SRBD1: variants seen among roughly 807,000 people sequenced by gnomAD.
SRBD1 encodes S1 RNA-binding domain-containing protein 1.
In SRBD1, 88 loss-of-function variants were observed where a neutral mutation model predicts 115.3. The ratio of observed to expected loss-of-function variants is 0.76; its 90% CI spans 0.64 to 0.91. The LOEUF is 0.91. Ranked by LOEUF, SRBD1 falls within the 40% of genes least tolerant of loss-of-function variation. The pLI, the probability that SRBD1 is intolerant of heterozygous loss-of-function variation, is 0.00. For synonymous variants in SRBD1, 509 were observed against 407.7 expected (o/e 1.25, Z -2.99); for missense variants, 1,385 against 1,177.4 (o/e 1.18, Z -2.58).
At chr2:45,425,890 G>C (rs1481950676) in intron 16 of SRBD1, among the ~76,000 whole-genome samples, 1 of 152,106 alleles carries the variant, frequency 6.6e-6, no homozygotes, top group Admixed American at 6.5e-5. Flanking sequence ...ACACCATCAG[G>C]GCCCTGGGTT....
chr2:45,586,590 G>C (rs1440702232), intron 4 of SRBD1, among the ~76,000 whole-genome samples: 16 of 151,222 alleles, frequency 1.1e-4, no homozygotes, highest in Admixed American at 9.9e-4. Flanking sequence ...CTTTCACCCA[G>C]GCTGGAGTGC....
intron 14 of SRBD1, among the ~76,000 whole-genome samples, chr2:45,539,804 A>G (rs1436916653): frequency 6.6e-6 from 1 of 152,206 alleles, no homozygotes; most frequent in Non-Finnish European, 1.5e-5. Context: ...CACCAAAATA[A>G]AAAGCTTACC....
chr2:45,546,622 G>C, intron 14 of SRBD1, 110 bp downstream of exon 14: 1 of 1,068,848 alleles, frequency 9.4e-7, no homozygotes, highest in Non-Finnish European at 1.4e-6. Flanking sequence ...GAGGTGGTCT[G>C]GAGGGCAAAG....
At chr2:45,414,402 T>A (rs1667699339) in intron 18 of SRBD1, among the ~76,000 whole-genome samples, 1 of 150,014 alleles carries the variant, frequency 6.7e-6, no homozygotes. Flanking sequence ...TAAATATATA[T>A]ACATTATGTG....
intron 16 of SRBD1, among the ~76,000 whole-genome samples, chr2:45,475,825 C>T (rs1309904882): frequency 2.0e-5 from 3 of 152,126 alleles, no homozygotes; most frequent in Admixed American, 6.6e-5. Context: ...CAGCCTTCCA[C>T]GTAGTTGGGA....
At chr2:45,530,603 C>A (rs1671581325) in intron 14 of SRBD1, among the ~76,000 whole-genome samples, 1 of 151,970 alleles carries the variant, frequency 6.6e-6, no homozygotes, top group African/African-American at 2.4e-5. Flanking sequence ...GACACACATC[C>A]TATATATGAA....
At chr2:45,451,751 G>A (rs928037878) in intron 16 of SRBD1, among the ~76,000 whole-genome samples, 7 of 150,304 alleles carry the variant, frequency 4.7e-5, no homozygotes, top group African/African-American at 1.2e-4. Context: ...TGGCAGCAAC[G>A]AAGAGACTTT....
At chr2:45,463,033 A>T (rs1012882524) in intron 16 of SRBD1, among the ~76,000 whole-genome samples, 1 of 83,510 alleles carries the variant, frequency 1.2e-5, no homozygotes, top group African/African-American at 7.7e-5. Context: ...GGGGGGGGGA[A>T]ATCTCTCTTG....
At chr2:45,441,065 A>G (rs1366622392) in intron 16 of SRBD1, among the ~76,000 whole-genome samples, 2 of 152,238 alleles carry the variant, frequency 1.3e-5, no homozygotes, top group Non-Finnish European at 2.9e-5. Flanking sequence ...ATGTGGCCAC[A>G]CATGTAGTCA....
chr2:45,568,609 C>G (rs891092205), intron 9 of SRBD1, among the ~76,000 whole-genome samples: 2 of 152,158 alleles, frequency 1.3e-5, no homozygotes, highest in African/African-American at 4.8e-5. Flanking sequence ...CAATCATAAT[C>G]TTAAATTCAG....
rs1572687948 is a variant in SRBD1 at position 45,481,514 on chromosome 2, G to C, written c.1967-4439C>G. Among the ~76,000 whole-genome samples, 3 of 152,236 alleles carry C rather than the reference G, an allele frequency of 2.0e-5. No homozygotes were observed. In the South Asian group the frequency reaches 6.2e-4, roughly 32 times the overall value. On this transcript the variant is annotated intron_variant, in intron 15 of 20. Transcript: ENST00000263736. The stretch of plus-strand genomic sequence containing the variant: ...AGAAGAAAAGGAGGAAGTAATGAAA[G>C]AGGCAGAGAATAAATGACGAGGACA...
intron 16 of SRBD1, among the ~76,000 whole-genome samples, chr2:45,474,049 T>C (rs1669731004): frequency 6.6e-6 from 1 of 152,234 alleles, no homozygotes; most frequent in South Asian, 2.1e-4. Context: ...GTCCACTCTA[T>C]TTAGTCCAAT....
In SRBD1 at chr2:45,585,511, A is replaced by G. The variant is rs370741163; in HGVS notation, c.815+97T>C. The G allele has an allele frequency of 4.2e-4, 563 of 1,333,692 alleles. 10 individuals carry two copies. In the South Asian group the frequency reaches 6.9e-3, roughly 16 times the overall value. The allele number at this position is 1,333,692 out of a possible 1,614,324, so 82.6% of individuals were successfully genotyped here. ...GATTACAATAATTCAAGGAAACAAA[A>G]TGTTGAAATTGTCAAATATACCGTC... On this transcript the variant is annotated intron_variant, in intron 5 of 20. Transcript: ENST00000263736.
At chr2:45,422,070 G>C (rs1243922288) in intron 16 of SRBD1, among the ~76,000 whole-genome samples, 1 of 152,078 alleles carries the variant, frequency 6.6e-6, no homozygotes, top group African/African-American at 2.4e-5. Context: ...GCAATGTAAA[G>C]GCAAGCACAA....
intron 14 of SRBD1, among the ~76,000 whole-genome samples, chr2:45,540,263 C>T (rs1019535251): frequency 6.6e-6 from 1 of 151,694 alleles, no homozygotes; most frequent in Non-Finnish European, 1.5e-5. Context: ...ATCACTTGAA[C>T]CCAGGAGGCA....
At chr2:45,497,511 T>G (rs1165568127) in intron 14 of SRBD1, among the ~76,000 whole-genome samples, 3 of 152,118 alleles carry the variant, frequency 2.0e-5, no homozygotes, top group African/African-American at 7.2e-5. Context: ...TAAAACAGAT[T>G]GCTGAGCCAC....
At position 45,581,678 on chromosome 2, in the gene SRBD1, A is replaced by T. The variant is rs1192749078; in HGVS notation, c.933+15T>A. The T allele has an allele frequency of 6.3e-7, 1 of 1,597,678 alleles. No individual in the cohort carries two copies. Among genetic ancestry groups the T allele is most frequent in the East Asian group, 2.2e-5 (1 of 44,680 alleles). On this transcript the variant is annotated intron_variant, in intron 6 of 20. Transcript: ENST00000263736. The stretch of plus-strand genomic sequence containing the variant: ...TATTCAGGTATTACATTAAAAGATA[A>T]AAAGGATTCCTTACCACGTGTTCTA...
At chr2:45,395,351 C>T (rs1667114255) in intron 19 of SRBD1, among the ~76,000 whole-genome samples, 1 of 152,116 alleles carries the variant, frequency 6.6e-6, no homozygotes, top group Non-Finnish European at 1.5e-5. Flanking sequence ...CTTAAGGTTG[C>T]TTGCACATGT....
chr2:45,603,336 A>G (rs1674159994), intron 2 of SRBD1, among the ~76,000 whole-genome samples: 1 of 152,120 alleles, frequency 6.6e-6, no homozygotes. Flanking sequence ...CTCACCCCTT[A>G]GAGCATATCC....
Sources: gnomAD v4.1 joint callset for allele counts (sites outside exome capture counted in the v4.1 genomes callset) on GRCh38, gnomAD v4.1.1 for gene constraint, MANE v1.5 for transcripts, NCBI Gene and HGNC (gene_info 2026-07-23, HGNC 2026-07-21) for gene names.